The following DHODH variants were observed in gnomAD, a reference collection of about 807,000 sequenced individuals.
The protein encoded by DHODH is dihydroorotate dehydrogenase (quinone), mitochondrial.
DHODH carries 30 observed loss-of-function variants against 39.7 expected under a neutral mutation model. That is an observed-to-expected ratio of 0.76 (90% CI 0.57 to 1.02). The LOEUF (loss-of-function observed/expected upper bound fraction) is 1.02. DHODH is among the 50% of genes least tolerant of loss of function. DHODH has a pLI of 0.00. For missense variants in DHODH, 531 were observed against 520.8 expected (o/e 1.02, Z -0.19); for synonymous variants, 222 against 213.8 (o/e 1.04, Z -0.34).
Position 72,024,165 on chromosome 16 carries a change from T to G in DHODH, c.1154T>G (p.Val385Gly). 1 of 1,614,014 alleles carries G rather than the reference T, an allele frequency of 6.2e-7. No individual in the cohort carries two copies. The highest frequency in any genetic ancestry group is 8.5e-7 in the Non-Finnish European group (1 of 1,180,018). The change falls in exon 9 of 9, where the codon GTC becomes GGC. Residue 385 changes from valine (V) to glycine (G), a missense_variant. Transcript: ENST00000219240. ...TCCAGAGAGCAGGGCTTTGGCGGAG[T>G]CACAGATGCCATTGGAGCAGATCAT... ...ALLKEQGFGG[V>G]TDAIGADHRR
In DHODH at chr16:72,024,431, A is replaced by T. The variant is rs890930634; in HGVS notation, c.*232A>T. 5.1e-6 allele frequency: 3 copies of T among 582,528 alleles called. No individual in the cohort carries two copies. Among genetic ancestry groups the T allele is most frequent in the African/African-American group, 1.9e-5 (1 of 53,558 alleles). 36.1% of individuals were successfully genotyped at this position (582,528 alleles called of 1,614,324 possible). A position where few individuals can be genotyped will look rare whatever the true frequency, so the allele number is the denominator to read the frequency against. On this transcript the variant is annotated 3_prime_UTR_variant, in exon 9 of 9. Coordinates refer to ENST00000219240, the MANE Select transcript of DHODH (RefSeq NM_001361.5). Reference sequence around the variant, plus strand: ...ATTCTTTGTGGATTCAAACCCTAGGATCCATCAGTCTTGCAAGGACATTGA... The same window carrying T: ...ATTCTTTGTGGATTCAAACCCTAGGTTCCATCAGTCTTGCAAGGACATTGA...
chr16:72,017,066 G>A lies in DHODH; in HGVS notation c.477G>A (p.Arg159=), dbSNP rs2041149728. The A allele has an allele frequency of 6.2e-7, 1 of 1,614,116 alleles. No individual in the cohort carries two copies. Among genetic ancestry groups the A allele is most frequent in the South Asian group, 1.1e-5 (1 of 91,074 alleles). Residue 159 remains arginine, a synonymous_variant, in exon 4 of 9, where the codon AGG becomes AGA. Coordinates refer to ENST00000219240, the MANE Select transcript of DHODH (RefSeq NM_001361.5). ...NSHGLSVVEH[R]LRARQQKQAK... ...ACGGGCTTTCAGTGGTGGAACACAG[G>A]TTACGGGCCAGACAGCAGAAGCAGG...
At chr16:72,011,538 G>C (rs28483075) in intron 1 of DHODH, among the ~76,000 whole-genome samples, 6,244 of 152,294 alleles carry the variant, frequency 0.041, 395 homozygotes, top group African/African-American at 0.14. Flanking sequence ...AGGCTGAGGA[G>C]GGGAGGATTG....
At chr16:72,010,472 G>T (rs1281811808) in intron 1 of DHODH, among the ~76,000 whole-genome samples, 8 of 152,062 alleles carry the variant, frequency 5.3e-5, no homozygotes, top group Non-Finnish European at 4.4e-5. Flanking sequence ...CAGTTGCTAT[G>T]ACTACATATT....
intron 1 of DHODH, among the ~76,000 whole-genome samples, chr16:72,010,531 A>T (rs533130174): frequency 1.3e-5 from 2 of 152,172 alleles, no homozygotes. Context: ...CACACTCTCC[A>T]TGAGGGTAGG....
chr16:72,023,054 G>A, intron 6 of DHODH, 111 bp from the exon 7 acceptor site: 1 of 1,024,702 alleles, frequency 9.8e-7, no homozygotes, highest in Non-Finnish European at 1.5e-6. Context: ...TCTTGCTTTG[G>A]GGGCTGTAGG....
intron 5 of DHODH, 148 bp downstream of exon 5, chr16:72,021,459 G>A: frequency 1.3e-6 from 1 of 785,860 alleles, no homozygotes; most frequent in Non-Finnish European, 2.1e-6. Flanking sequence ...CCTTCCCAGA[G>A]TCCCCTCTGA....
chr16:72,012,578 C>A (rs8061292), intron 2 of DHODH, among the ~76,000 whole-genome samples: 6,232 of 152,304 alleles, frequency 0.041, 397 homozygotes, highest in African/African-American at 0.14. Context: ...TCAAGTCACA[C>A]AGCTAGGAGG....
At position 72,023,171 on chromosome 16, in the gene DHODH, A is replaced by G; in HGVS notation, c.826A>G (p.Ile276Val). 1 of 1,614,138 alleles carries G rather than the reference A, an allele frequency of 6.2e-7. No individual in the cohort carries two copies. The highest frequency in any genetic ancestry group is 8.5e-7 in the Non-Finnish European group (1 of 1,180,012). Residue 276 changes from isoleucine to valine, a missense_variant, in exon 7 of 9, where the codon ATC becomes GTC. Physicochemically the swap from Ile to Val is conservative, Grantham distance 29. Transcript: ENST00000219240. The part of the protein sequence containing the change: ...DIASVVKELG[I>V]DGLIVTNTTV... ...TCTCTATCTCGCACTGCAGTTGGGC[A>G]TCGATGGGCTGATTGTTACGAACAC...
In DHODH at chr16:72,020,703, T is replaced by C. The variant is rs116591045; in HGVS notation, c.518-421T>C. On this transcript the variant is annotated intron_variant, in intron 4 of 8. Coordinates refer to ENST00000219240, the MANE Select transcript of DHODH (RefSeq NM_001361.5). ...TTTCATTTTGTTTTTTCTTCGCAACTGTACATCCAGTCAACCGAGCCAAGG... is the reference window on the plus strand; with the variant it reads ...TTTCATTTTGTTTTTTCTTCGCAACCGTACATCCAGTCAACCGAGCCAAGG... 9.3e-4 allele frequency among the ~76,000 whole-genome samples: 141 copies of C among 152,240 alleles called. 1 individual carries two copies. The highest frequency in any genetic ancestry group is 3.3e-3 in the African/African-American group (139 of 41,542).
intron 4 of DHODH, chr16:72,020,321 G>GTATATGTGTATATATATATA (rs2041190559): frequency 9.9e-5 from 11 of 111,100 alleles, no homozygotes; most frequent in African/African-American, 4.6e-4. Context: ...ATGTGTATAT[G>GTATATGTGTATATATATATA]TATATGTGTA....
At chr16:72,008,868 G>C in intron 1 of DHODH, 83 bp downstream of exon 1, 1 of 1,550,628 alleles carries the variant, frequency 6.4e-7, no homozygotes, top group South Asian at 1.2e-5. Flanking sequence ...GGCGAGGCAT[G>C]GACCGAAGGC....
At chr16:72,012,016 C>G (rs2041086956) in intron 1 of DHODH, 34 bp from the exon 2 acceptor site, 1 of 1,602,580 alleles carries the variant, frequency 6.2e-7, no homozygotes, top group African/African-American at 1.3e-5. Flanking sequence ...GCAGCCTGGC[C>G]TGGGGGACCC....
rs377593977 is a variant in DHODH at position 72,022,347 on chromosome 16, C to T, written c.706-15C>T. On this transcript the variant is annotated splice_polypyrimidine_tract_variant and intron_variant, in intron 5 of 8. Coordinates refer to ENST00000219240, the MANE Select transcript of DHODH (RefSeq NM_001361.5). ...GGTCTGCGGGGTCCCCAGCTCTGGC[C>T]GTGTGTCGCCCTAGGTGCTGCAGGA... is the stretch of plus-strand genomic sequence containing the variant. The T allele has an allele frequency of 2.2e-5, 34 of 1,547,726 alleles. No homozygotes were observed. The highest frequency in any genetic ancestry group is 1.1e-4 in the African/African-American group (8 of 73,008).
chr16:72,010,811 C>T (rs1197839995), intron 1 of DHODH, among the ~76,000 whole-genome samples: 1 of 152,202 alleles, frequency 6.6e-6, no homozygotes, highest in Non-Finnish European at 1.5e-5. Context: ...TCACTGCAGC[C>T]TGGACCTCCT....
intron 3 of DHODH, chr16:72,015,835 G>A (rs1203585357): frequency 2.9e-5 from 29 of 985,344 alleles, no homozygotes; most frequent in Middle Eastern, 5.2e-4. Flanking sequence ...CTGTGTGTGC[G>A]GCCTCCTGGT....
chr16:72,012,206 C>G lies in DHODH; in HGVS notation c.178C>G (p.Arg60Gly), dbSNP rs931958752. The G allele has an allele frequency of 3.1e-6, 5 of 1,614,120 alleles. No individual in the cohort carries two copies. Among genetic ancestry groups the G allele is most frequent in the Non-Finnish European group, 3.4e-6 (4 of 1,180,020 alleles). Residue 60 changes from arginine (R) to glycine (G), a missense_variant, in exon 2 of 9, where the codon CGC becomes GGC. By Grantham distance (125) the Arg-to-Gly change is moderately radical (BLOSUM62 -2). Coordinates refer to ENST00000219240, the MANE Select transcript of DHODH (RefSeq NM_001361.5). ...GGAGTCAGCCCACAGACTGGCTGTT[C>G]GCTTCACCTCCCTGGGGCTCCTTCC... ...DPESAHRLAVRFTSLGLLPRA... is the reference protein window; with the variant it reads ...DPESAHRLAVGFTSLGLLPRA...
rs1206166989 is a variant in DHODH, at chr16:72,026,059, C to A, written c.*1860C>A. On this transcript the variant is annotated 3_prime_UTR_variant, in exon 9 of 9. Coordinates refer to ENST00000219240, the MANE Select transcript of DHODH (RefSeq NM_001361.5). The stretch of plus-strand genomic sequence containing the variant: ...TGCTTCTCCGGATTCGTTCCTTACT[C>A]CAGGAAGAGCAGTGCACTGAAGGAG... The A allele has an allele frequency of 6.6e-6, 1 of 152,278 alleles. No individual in the cohort carries two copies. The highest frequency in any genetic ancestry group is 2.4e-5 in the African/African-American group (1 of 41,460). 9.4% of individuals were successfully genotyped at this position (152,278 alleles called of 1,614,324 possible). A position where few individuals can be genotyped will look rare whatever the true frequency, so the allele number is the denominator to read the frequency against.
chr16:72,008,804 C>T lies in DHODH; in HGVS notation c.21+19C>T, dbSNP rs1275527462. 5 of 1,552,264 alleles carry T rather than the reference C, an allele frequency of 3.2e-6. No individual in the cohort carries two copies. The highest frequency in any genetic ancestry group is 2.0e-5 in the Admixed American group (1 of 51,022). ...CCTGAAAGTGAGTCCCGCGAGTGAGCAGTGTGGATGGGGGACCAGGGACCG... is the reference window on the plus strand; with the variant it reads ...CCTGAAAGTGAGTCCCGCGAGTGAGTAGTGTGGATGGGGGACCAGGGACCG... On this transcript the variant is annotated intron_variant, in intron 1 of 8. Coordinates refer to ENST00000219240, the MANE Select transcript of DHODH (RefSeq NM_001361.5).
Sources: allele counts gnomAD v4.1 joint callset (sites outside exome capture counted in the v4.1 genomes callset), GRCh38; gene constraint gnomAD v4.1.1; transcripts MANE v1.5; gene names NCBI Gene and HGNC (gene_info 2026-07-23, HGNC 2026-07-21).